CAMTA1: variants seen among roughly 807,000 people sequenced by gnomAD.
CAMTA1 encodes calmodulin-binding transcription activator 1.
A neutral mutation model predicts 170.9 loss-of-function variants in CAMTA1; 27 were observed. The ratio of observed to expected loss-of-function variants is 0.16; its 90% CI spans 0.12 to 0.22. The LOEUF is 0.22. CAMTA1 is among the 10% of genes least tolerant of loss of function. CAMTA1 has a pLI of 1.00. For missense variants in CAMTA1, 1,619 were observed against 2,217.2 expected, an observed-to-expected ratio of 0.73 and a Z score of 5.42; for synonymous variants, 833 against 891.5, an observed-to-expected ratio of 0.93 and a Z score of 1.17.
rs1673445946 is a variant in CAMTA1 at position 6,887,062 on chromosome 1, C to G, written c.234+61852C>G. ...CCACCTTCTTAGTCCTGTGCTTAAG[C>G]AGAGAGTCTCTAGCAGGGAGCCTCT... On this transcript the variant is annotated intron_variant, in intron 3 of 22. Coordinates refer to ENST00000303635, the MANE Select transcript of CAMTA1 (RefSeq NM_015215.4). This position sits in a 1 kb window ranked among gnomAD's most constrained non-coding sequence, Gnocchi z 4.1. Among the ~76,000 whole-genome samples the G allele has an allele frequency of 6.6e-6, 1 of 152,160 alleles. No homozygotes were observed. Among genetic ancestry groups the G allele is most frequent in the Non-Finnish European group, 1.5e-5 (1 of 68,022 alleles).
rs182064077 is a variant in CAMTA1 at position 7,443,399 on chromosome 1, C to T, written c.439-24431C>T. On this transcript the variant is annotated intron_variant, in intron 5 of 22. Coordinates refer to ENST00000303635, the MANE Select transcript of CAMTA1 (RefSeq NM_015215.4). This position sits in a 1 kb window ranked among gnomAD's most constrained non-coding sequence, Gnocchi z 4.1. ...CTGCATCAAGGTGGCCTTGGGAGCACGTGGAGATGATGATAGCCATGTCAG... is the reference window on the plus strand; with the variant it reads ...CTGCATCAAGGTGGCCTTGGGAGCATGTGGAGATGATGATAGCCATGTCAG... Among the ~76,000 whole-genome samples, 10 of 152,250 alleles carry T rather than the reference C, an allele frequency of 6.6e-5. No individual in the cohort carries two copies. In the East Asian group the frequency reaches 1.7e-3, roughly 26 times the overall value.
intron 7 of CAMTA1, among the ~76,000 whole-genome samples, chr1:7,647,282 G>T (rs1012139854): frequency 6.6e-6 from 1 of 151,658 alleles, no homozygotes; most frequent in East Asian, 1.9e-4. Flanking sequence ...TCCAGAAGGG[G>T]GGGGGGCTGT....
In CAMTA1 at chr1:7,674,409, A is replaced by G. The variant is rs1443005100; in HGVS notation, c.2780-3190A>G. On this transcript the variant is annotated intron_variant, in intron 10 of 22. Transcript: ENST00000303635. This position sits in a 1 kb window ranked among gnomAD's most constrained non-coding sequence, Gnocchi z 4.1. ...CTCAGGCTTGGGAGAAGATAGGGGA[A>G]TCCACCAAGAAGACTCTACTGGCCA... 6.6e-6 allele frequency among the ~76,000 whole-genome samples: 1 copy of G among 152,250 alleles called. No individual in the cohort carries two copies. Among genetic ancestry groups the G allele is most frequent in the Non-Finnish European group, 1.5e-5 (1 of 68,012 alleles).
intron 3 of CAMTA1, among the ~76,000 whole-genome samples, chr1:6,952,455 AAG>A (rs1273427776): frequency 0.014 from 2,107 of 149,104 alleles, 26 homozygotes; most frequent in Non-Finnish European, 0.024. Flanking sequence ...AAAAAAAAAA[AAG>A]AGATAACATA....
intron 6 of CAMTA1, among the ~76,000 whole-genome samples, chr1:7,601,920 A>G (rs1169602248): frequency 2.7e-5 from 4 of 148,580 alleles, no homozygotes; most frequent in South Asian, 2.2e-4. Context: ...CGGCATCAGG[A>G]GGAGACCGTG....
In CAMTA1 at chr1:7,216,403, A is replaced by T. The variant is rs1427725402; in HGVS notation, c.303-33088A>T. ...GTTTAGGGCTTCTGTGTCCTTACTTATTTTTTGTCTATCTGGTTTCTCTTG... is the reference window on the plus strand; with the variant it reads ...GTTTAGGGCTTCTGTGTCCTTACTTTTTTTTTGTCTATCTGGTTTCTCTTG... On this transcript the variant is annotated intron_variant, in intron 4 of 22. Transcript: ENST00000303635. This position sits in a 1 kb window ranked among gnomAD's most constrained non-coding sequence, Gnocchi z 4.0. Among the ~76,000 whole-genome samples the T allele has an allele frequency of 6.6e-6, 1 of 152,046 alleles. No homozygotes were observed. Among genetic ancestry groups the T allele is most frequent in the Non-Finnish European group, 1.5e-5 (1 of 68,000 alleles).
chr1:7,623,940 T>C (rs1244365452), intron 6 of CAMTA1, among the ~76,000 whole-genome samples: 1 of 152,242 alleles, frequency 6.6e-6, no homozygotes, highest in Non-Finnish European at 1.5e-5. Context: ...TGCCAGAAAG[T>C]GTTTTTTCCA....
At chr1:7,036,661 G>A (rs1703640822) in intron 3 of CAMTA1, among the ~76,000 whole-genome samples, 1 of 152,188 alleles carries the variant, frequency 6.6e-6, no homozygotes, top group Non-Finnish European at 1.5e-5. Context: ...GAGGTGATTG[G>A]CTTGTTATCT....
intron 11 of CAMTA1, chr1:7,698,874 G>A (rs1224343712): frequency 6.6e-6 from 1 of 152,234 alleles, no homozygotes; most frequent in Admixed American, 6.5e-5. Flanking sequence ...CCCTGTGCCA[G>A]TCTCATCTCC....
intron 4 of CAMTA1, among the ~76,000 whole-genome samples, chr1:7,154,956 G>A (rs1170407581): frequency 6.6e-6 from 1 of 152,210 alleles, no homozygotes; most frequent in Admixed American, 6.5e-5. Context: ...GCCTCTGCGT[G>A]TGCACATCCT....
chr1:7,276,187 T>C (rs1196420007), intron 5 of CAMTA1, among the ~76,000 whole-genome samples: 1 of 130,418 alleles, frequency 7.7e-6, no homozygotes, highest in Non-Finnish European at 1.6e-5. Context: ...TACCCATTCA[T>C]GATTAAAAAA....
At chr1:7,186,552 C>T (rs1653312045) in intron 4 of CAMTA1, among the ~76,000 whole-genome samples, 2 of 152,142 alleles carry the variant, frequency 1.3e-5, no homozygotes, top group South Asian at 4.1e-4. Context: ...AAGCCCTGAT[C>T]TGAGAATCTG....
intron 6 of CAMTA1, among the ~76,000 whole-genome samples, chr1:7,475,078 A>T (rs2093399121): frequency 6.6e-6 from 1 of 152,256 alleles, no homozygotes; most frequent in Non-Finnish European, 1.5e-5. Context: ...ATCTCTAGGA[A>T]GCACAAGCTA....
intron 5 of CAMTA1, among the ~76,000 whole-genome samples, chr1:7,454,695 C>A (rs562818533): frequency 6.6e-6 from 1 of 152,116 alleles, no homozygotes; most frequent in Admixed American, 6.5e-5. Context: ...TCAGCTCTCT[C>A]CTCCTGAGGG....
chr1:7,105,480 G>A (rs893353872), intron 4 of CAMTA1, among the ~76,000 whole-genome samples: 1 of 152,318 alleles, frequency 6.6e-6, no homozygotes, highest in African/African-American at 2.4e-5. Flanking sequence ...GGGGTGGCTC[G>A]GAGGCAGAGG....
chr1:7,162,162 A>G (rs1230965902), intron 4 of CAMTA1, among the ~76,000 whole-genome samples: 1 of 152,128 alleles, frequency 6.6e-6, no homozygotes, highest in Non-Finnish European at 1.5e-5. Flanking sequence ...GTGCAGGAGA[A>G]AGCAGGGAGC....
At position 7,310,647 on chromosome 1, in the gene CAMTA1, T is replaced by C. The variant is rs1380617920; in HGVS notation, c.438+61021T>C. On this transcript the variant is annotated intron_variant, in intron 5 of 22. Coordinates refer to ENST00000303635, the MANE Select transcript of CAMTA1 (RefSeq NM_015215.4). Reference sequence around the variant, plus strand: ...TTCTTTCTTTCTTTCTTTCTTTCTTTTTTCTTTCTTTCTTTCTTTCTTTCC... The same window carrying C: ...TTCTTTCTTTCTTTCTTTCTTTCTTCTTTCTTTCTTTCTTTCTTTCTTTCC... Among the ~76,000 whole-genome samples the C allele has an allele frequency of 2.4e-3, 116 of 49,178 alleles. 5 individuals are homozygous for C. Among genetic ancestry groups the C allele is most frequent in the African/African-American group, 7.0e-3 (88 of 12,576 alleles). 32.3% of individuals were successfully genotyped at this position (49,178 alleles called of 152,430 possible). A position where few individuals can be genotyped will look rare whatever the true frequency, so the allele number is the denominator to read the frequency against.
intron 3 of CAMTA1, among the ~76,000 whole-genome samples, chr1:6,850,526 G>C (rs1023526407): frequency 6.6e-6 from 1 of 152,214 alleles, no homozygotes; most frequent in Non-Finnish European, 1.5e-5. Context: ...GTTGATGATA[G>C]ACTAAGTTGT....
chr1:7,554,826 C>CA (rs1243236128), intron 6 of CAMTA1, among the ~76,000 whole-genome samples: 1 of 152,002 alleles, frequency 6.6e-6, no homozygotes, highest in East Asian at 1.9e-4. Flanking sequence ...AACCCCATGC[C>CA]AAAAAAAGAA....
Sources: allele counts gnomAD v4.1 joint callset (sites outside exome capture counted in the v4.1 genomes callset), GRCh38; gene constraint gnomAD v4.1.1; non-coding constraint Gnocchi (gnomAD v3.1); transcripts MANE v1.5; gene names NCBI Gene and HGNC (gene_info 2026-07-23, HGNC 2026-07-21).